The following CPA3 variants were observed in gnomAD, a reference collection of about 807,000 sequenced individuals.
CPA3 encodes mast cell carboxypeptidase A.
Under a neutral mutation model 55.8 loss-of-function variants are expected in CPA3, and 52 were observed. That is an observed-to-expected ratio of 0.93 (90% CI 0.75 to 1.17). The LOEUF is 1.17. Ranked by LOEUF, CPA3 falls within the 50% of genes most tolerant of loss-of-function variation. CPA3 has a pLI of 0.00. For missense variants in CPA3, 547 were observed against 509.1 expected, an observed-to-expected ratio of 1.07 and a Z score of -0.72; for synonymous variants, 179 against 171.2, an observed-to-expected ratio of 1.05 and a Z score of -0.36.
chr3:148,878,490 AAAG>A lies in CPA3; in HGVS notation c.324_326del (p.Glu108del). On this transcript the variant is annotated inframe_deletion, in exon 4 of 11. Transcript: ENST00000296046. ...AGAGATTGAGAAACAGTTTGATGTTAAAGAAGATATCCCAGGCAGGCACAGCTA... is the reference window on the plus strand; with the variant it reads ...AGAGATTGAGAAACAGTTTGATGTTAAAGATATCCCAGGCAGGCACAGCTA... 6.2e-7 allele frequency: 1 copy of A among 1,613,678 alleles called. No homozygotes were observed.
chr3:148,875,892 T>G (rs1364143894), intron 3 of CPA3, among the ~76,000 whole-genome samples: 3 of 152,114 alleles, frequency 2.0e-5, no homozygotes, highest in Non-Finnish European at 4.4e-5. Flanking sequence ...GAAAGATAAG[T>G]TTTCCTGTAA....
chr3:148,880,339 T>C (rs1452211687), intron 6 of CPA3, among the ~76,000 whole-genome samples: 1 of 151,484 alleles, frequency 6.6e-6, no homozygotes, highest in Non-Finnish European at 1.5e-5. Flanking sequence ...TTTTTTCTTT[T>C]TTTTTTTTTT....
intron 3 of CPA3, among the ~76,000 whole-genome samples, chr3:148,869,286 C>G (rs1427102841): frequency 5.9e-5 from 9 of 152,078 alleles, no homozygotes; most frequent in Non-Finnish European, 1.0e-4. Context: ...TAACAATTAC[C>G]TATATCTACC....
At chr3:148,883,542 T>C (rs1163094725) in intron 8 of CPA3, 71 bp from the exon 9 acceptor site, 1 of 1,223,796 alleles carries the variant, frequency 8.2e-7, no homozygotes, top group East Asian at 2.3e-5. Flanking sequence ...GAATCTATAA[T>C]ACATTAGAAG....
At chr3:148,888,257 T>C (rs1714585128) in intron 10 of CPA3, among the ~76,000 whole-genome samples, 1 of 152,212 alleles carries the variant, frequency 6.6e-6, no homozygotes, top group African/African-American at 2.4e-5. Flanking sequence ...ACATATACAG[T>C]TTCTAGGACT....
At chr3:148,887,636 C>G (rs573828280) in intron 10 of CPA3, among the ~76,000 whole-genome samples, 1 of 152,238 alleles carries the variant, frequency 6.6e-6, no homozygotes, top group Admixed American at 6.5e-5. Flanking sequence ...GAAGTGAGAC[C>G]ACTTTCTGCT....
At chr3:148,890,311 T>C (rs748921338) in intron 10 of CPA3, among the ~76,000 whole-genome samples, 6 of 152,170 alleles carry the variant, frequency 3.9e-5, no homozygotes, top group Non-Finnish European at 7.4e-5. Flanking sequence ...AGAATAGTTA[T>C]TTGAGTTGAT....
chr3:148,875,472 T>G (rs1371694032), intron 3 of CPA3, among the ~76,000 whole-genome samples: 4 of 152,214 alleles, frequency 2.6e-5, no homozygotes, highest in African/African-American at 9.6e-5. Context: ...AGAATTATCA[T>G]TATCAATATG....
intron 8 of CPA3, 36 bp downstream of exon 8, chr3:148,882,631 T>C (rs753312147): frequency 6.4e-7 from 1 of 1,558,922 alleles, no homozygotes; most frequent in South Asian, 1.1e-5. Context: ...AAAATTGCTA[T>C]AAGGAATATT....
At chr3:148,872,112 T>C (rs1024799984) in intron 3 of CPA3, among the ~76,000 whole-genome samples, 1 of 152,220 alleles carries the variant, frequency 6.6e-6, no homozygotes, top group African/African-American at 2.4e-5. Flanking sequence ...GAAAATTAAG[T>C]TAGTAAGCCA....
At chr3:148,889,123 G>T (rs777277032) in intron 10 of CPA3, among the ~76,000 whole-genome samples, 29 of 152,174 alleles carry the variant, frequency 1.9e-4, no homozygotes, top group Non-Finnish European at 3.4e-4. Flanking sequence ...CCTTTGTCAC[G>T]CAGTGCTGCA....
chr3:148,877,945 A>G (rs1199990475), intron 3 of CPA3, among the ~76,000 whole-genome samples: 1 of 152,192 alleles, frequency 6.6e-6, no homozygotes, highest in Non-Finnish European at 1.5e-5. Context: ...AAGGATGGGG[A>G]GTACTATAGC....
chr3:148,895,673 T>C (rs1714806504), intron 10 of CPA3, among the ~76,000 whole-genome samples: 1 of 152,186 alleles, frequency 6.6e-6, no homozygotes, highest in African/African-American at 2.4e-5. Flanking sequence ...GCCAACACTA[T>C]CTCTTCATCA....
chr3:148,890,869 C>T (rs1264561065), intron 10 of CPA3, among the ~76,000 whole-genome samples: 1 of 152,094 alleles, frequency 6.6e-6, no homozygotes, highest in East Asian at 1.9e-4. Context: ...TTTGTTGCAA[C>T]CAATATTGTG....
intron 2 of CPA3, among the ~76,000 whole-genome samples, chr3:148,867,777 T>A (rs1713944486): frequency 6.6e-6 from 1 of 152,226 alleles, no homozygotes; most frequent in East Asian, 1.9e-4. Flanking sequence ...GGGTGGAAAT[T>A]GAGCTTTTCC....
chr3:148,884,808 C>G (rs1028563106), intron 9 of CPA3, among the ~76,000 whole-genome samples: 1 of 150,806 alleles, frequency 6.6e-6, no homozygotes, highest in African/African-American at 2.4e-5. Context: ...ATGTACAGCA[C>G]TGTGATTTCA....
At position 148,883,555 on chromosome 3, in the gene CPA3, G is replaced by A. The variant is rs115384097; in HGVS notation, c.779-58G>A. ...GTGAATCTATAATACATTAGAAGAG[G>A]CAGGAGCTATATGGATGGGGAGCAG... is the stretch of plus-strand genomic sequence containing the variant. On this transcript the variant is annotated intron_variant, in intron 8 of 10. Transcript: ENST00000296046. 1.4e-4 allele frequency: 194 copies of A among 1,352,820 alleles called. 1 individual carries two copies. In the African/African-American group the frequency reaches 2.2e-3, roughly 16 times the overall value. The allele number at this position is 1,352,820 out of a possible 1,614,324, so 83.8% of individuals were successfully genotyped here. A position where few individuals can be genotyped will look rare whatever the true frequency, so the allele number is the denominator to read the frequency against.
At chr3:148,876,921 C>T (rs1437477622) in intron 3 of CPA3, among the ~76,000 whole-genome samples, 1 of 152,194 alleles carries the variant, frequency 6.6e-6, no homozygotes, top group East Asian at 1.9e-4. Flanking sequence ...AAATTCCCAA[C>T]TCCATCTCAT....
In CPA3 at chr3:148,881,541, G is replaced by A. The variant is rs1389476893; in HGVS notation, c.596G>A (p.Arg199Lys). 1 of 1,611,428 alleles carries A rather than the reference G, an allele frequency of 6.2e-7. No individual in the cohort carries two copies. The highest frequency in any genetic ancestry group is 2.2e-5 in the East Asian group (1 of 44,690). The change falls in exon 7 of 11, where the codon AGA becomes AAA. Residue 199 changes from arginine to lysine, a missense_variant. Coordinates refer to ENST00000296046, the MANE Select transcript of CPA3 (RefSeq NM_001870.4). ...FVYQATKTYGRNKIMTKLLDR... is the reference protein window; with the variant it reads ...FVYQATKTYGKNKIMTKLLDR... Reference sequence around the variant, plus strand: ...CGACAGGCAACCAAAACTTATGGGAGAAACAAAATTATGACCAAACTCTTG... The same window carrying A: ...CGACAGGCAACCAAAACTTATGGGAAAAACAAAATTATGACCAAACTCTTG...
Sources: gnomAD v4.1 joint callset for allele counts (sites outside exome capture counted in the v4.1 genomes callset) on GRCh38, gnomAD v4.1.1 for gene constraint, MANE v1.5 for transcripts, NCBI Gene and HGNC (gene_info 2026-07-23, HGNC 2026-07-21) for gene names.